ADAMTS12: variants seen among roughly 807,000 people sequenced by gnomAD.
ADAMTS12 encodes ADAM metallopeptidase with thrombospondin type 1 motif 12, also known as A disintegrin and metalloproteinase with thrombospondin motifs 12.
In ADAMTS12, 118 loss-of-function variants were observed where a neutral mutation model predicts 167.8. The observed-to-expected ratio is 0.70, with a 90% CI of 0.61 to 0.82. The LOEUF (loss-of-function observed/expected upper bound fraction) is 0.82, where lower values mean the gene tolerates loss of function less well. Ranked by LOEUF, ADAMTS12 falls within the 40% of genes least tolerant of loss-of-function variation. ADAMTS12 has a pLI of 0.00. For synonymous variants in ADAMTS12, 704 were observed against 716.9 expected (o/e 0.98, Z 0.29); for missense variants, 1,916 against 1,998.8 (o/e 0.96, Z 0.79).
chr5:33,617,081 G>C (rs1240264142), intron 14 of ADAMTS12, among the ~76,000 whole-genome samples: 1 of 152,160 alleles, frequency 6.6e-6, no homozygotes, highest in East Asian at 1.9e-4. Context: ...AGCTCTATGA[G>C]TTTCATTGAT....
chr5:33,595,016 T>C (rs894968382), intron 17 of ADAMTS12, among the ~76,000 whole-genome samples: 6 of 152,188 alleles, frequency 3.9e-5, no homozygotes, highest in Admixed American at 1.3e-4. Context: ...GCAACATAAA[T>C]ACATCCCTGT....
chr5:33,704,802 A>C (rs1024356700), intron 3 of ADAMTS12, among the ~76,000 whole-genome samples: 38 of 152,106 alleles, frequency 2.5e-4, no homozygotes, highest in African/African-American at 8.9e-4. Context: ...CATTTTGTTA[A>C]TTGTGTCTTT....
At chr5:33,679,134 T>C (rs2112253189) in intron 5 of ADAMTS12, among the ~76,000 whole-genome samples, 1 of 152,322 alleles carries the variant, frequency 6.6e-6, no homozygotes, top group Admixed American at 6.5e-5. Flanking sequence ...ACAATCACTT[T>C]GTTTCGTTTG....
At chr5:33,846,828 GAGTCCTAAAA>G (rs1258864943) in intron 2 of ADAMTS12, among the ~76,000 whole-genome samples, 3 of 152,180 alleles carry the variant, frequency 2.0e-5, no homozygotes, top group Non-Finnish European at 2.9e-5. Flanking sequence ...ATGAAGCAAT[GAGTCCTAAAA>G]AGATAAAATA....
At chr5:33,625,566 CAG>C (rs1383358109) in intron 13 of ADAMTS12, among the ~76,000 whole-genome samples, 6 of 152,132 alleles carry the variant, frequency 3.9e-5, no homozygotes, top group African/African-American at 1.4e-4. Context: ...TCTCTACCAA[CAG>C]GGAAATAGAT....
chr5:33,851,810 G>A (rs982295919), intron 2 of ADAMTS12, among the ~76,000 whole-genome samples: 2 of 152,164 alleles, frequency 1.3e-5, no homozygotes, highest in African/African-American at 2.4e-5. Context: ...TGCACCATAC[G>A]TTCAGGTAAA....
chr5:33,563,956 T>C (rs1179665447), intron 19 of ADAMTS12, among the ~76,000 whole-genome samples: 1 of 152,248 alleles, frequency 6.6e-6, no homozygotes, highest in African/African-American at 2.4e-5. Flanking sequence ...GGTAATTTAC[T>C]GAGTCAGGAC....
At chr5:33,784,155 C>T (rs1746247567) in intron 2 of ADAMTS12, among the ~76,000 whole-genome samples, 1 of 151,788 alleles carries the variant, frequency 6.6e-6, no homozygotes, top group South Asian at 2.1e-4. Flanking sequence ...AAAATCACTA[C>T]CTATACATAA....
chr5:33,649,845 G>A, intron 7 of ADAMTS12, 148 bp from the exon 8 acceptor site: 1 of 1,025,792 alleles, frequency 9.7e-7, no homozygotes, highest in Non-Finnish European at 1.4e-6. Flanking sequence ...TTTGAAGTCG[G>A]AGGGGCATAG....
At chr5:33,737,566 G>C (rs1013155643) in intron 3 of ADAMTS12, among the ~76,000 whole-genome samples, 6 of 152,110 alleles carry the variant, frequency 3.9e-5, no homozygotes, top group Non-Finnish European at 7.4e-5. Flanking sequence ...AGTAAATGTT[G>C]TGTTATATGT....
chr5:33,650,918 C>T (rs1055661729), intron 7 of ADAMTS12, among the ~76,000 whole-genome samples: 2 of 152,160 alleles, frequency 1.3e-5, no homozygotes, highest in African/African-American at 2.4e-5. Flanking sequence ...AAGCTCATAT[C>T]CAACTTTAAT....
In ADAMTS12 at chr5:33,630,101, C is replaced by T. The variant is rs556742771; in HGVS notation, c.2022+679G>A. ...GTGCTAAACCATTATGATTCACTAA[C>T]TGATTAAAACATCTTCCTTTAACCA... On this transcript the variant is annotated intron_variant, in intron 13 of 23. Transcript: ENST00000504830. 7.5e-4 allele frequency among the ~76,000 whole-genome samples: 115 copies of T among 152,330 alleles called. 1 individual carries two copies. Among genetic ancestry groups the T allele is most frequent in the Non-Finnish European group, 1.5e-3 (101 of 68,028 alleles).
chr5:33,872,288 G>A (rs1750066600), intron 2 of ADAMTS12, among the ~76,000 whole-genome samples: 1 of 152,158 alleles, frequency 6.6e-6, no homozygotes, highest in Admixed American at 6.5e-5. Flanking sequence ...GCTCACGCCT[G>A]TAATCCCAGC....
chr5:33,837,996 T>G (rs1748599617), intron 2 of ADAMTS12, among the ~76,000 whole-genome samples: 1 of 151,510 alleles, frequency 6.6e-6, no homozygotes, highest in Non-Finnish European at 1.5e-5. Flanking sequence ...GTGGTTCCGC[T>G]TAACAGCTCT....
intron 2 of ADAMTS12, among the ~76,000 whole-genome samples, chr5:33,829,960 C>T (rs1178573507): frequency 1.3e-5 from 2 of 152,276 alleles, no homozygotes; most frequent in African/African-American, 2.4e-5. Flanking sequence ...CCCATACCTA[C>T]CTCTAACTCA....
At chr5:33,545,114 A>G (rs542367785) in intron 22 of ADAMTS12, among the ~76,000 whole-genome samples, 4 of 152,366 alleles carry the variant, frequency 2.6e-5, no homozygotes, top group South Asian at 2.1e-4. Context: ...TACCCATCTG[A>G]CAAAGGGCTA....
At position 33,702,795 on chromosome 5, in the gene ADAMTS12, C is replaced by T. The variant is rs548855134; in HGVS notation, c.635-18740G>A. Among the ~76,000 whole-genome samples the T allele has an allele frequency of 1.4e-4, 22 of 152,300 alleles. No homozygotes were observed. The East Asian group carries it at 4.2e-3, about 29-fold the overall frequency. ...ACTGTGAGCTTGATGGATTCTACCT[C>T]TTGACTAGAAATTTCTCTTGAGGCA... On this transcript the variant is annotated intron_variant, in intron 3 of 23. Coordinates refer to ENST00000504830, the MANE Select transcript of ADAMTS12 (RefSeq NM_030955.4).
intron 22 of ADAMTS12, among the ~76,000 whole-genome samples, chr5:33,544,460 C>A (rs1041351831): frequency 1.6e-4 from 24 of 151,920 alleles, no homozygotes; most frequent in African/African-American, 5.1e-4. Context: ...AGATTCAATG[C>A]CATCCCCATC....
Position 33,891,729 on chromosome 5 carries a change from C to G in ADAMTS12, c.127+1G>C, listed in dbSNP as rs939326297. On this transcript the variant is annotated splice_donor_variant, in intron 1 of 23. Coordinates refer to ENST00000504830, the MANE Select transcript of ADAMTS12 (RefSeq NM_030955.4). LOFTEE classifies it high-confidence loss of function. Reference sequence around the variant, plus strand: ...AAAAGAAATAAAGAAGAGTCACTAACCTTGCCTCCTGTCCGGGAAGCGAAC... The same window carrying G: ...AAAAGAAATAAAGAAGAGTCACTAAGCTTGCCTCCTGTCCGGGAAGCGAAC... The G allele has an allele frequency of 6.2e-7, 1 of 1,614,072 alleles. No individual in the cohort carries two copies. The highest frequency in any genetic ancestry group is 8.5e-7 in the Non-Finnish European group (1 of 1,180,038).
Sources: allele counts gnomAD v4.1 joint callset (sites outside exome capture counted in the v4.1 genomes callset), GRCh38; gene constraint gnomAD v4.1.1; transcripts MANE v1.5; gene names NCBI Gene and HGNC (gene_info 2026-07-23, HGNC 2026-07-21).